Variants in PUDP observed in about 807,000 individuals in gnomAD.
The protein encoded by PUDP is pseudouridine 5'-phosphatase.
A neutral mutation model predicts 9.4 loss-of-function variants in PUDP; 8 were observed. The ratio of observed to expected loss-of-function variants is 0.85; its 90% CI spans 0.50 to 1.53. PUDP has a LOEUF of 1.53. PUDP is among the 40% of genes most tolerant of loss of function. The probability of loss-of-function intolerance (pLI) is 0.00; values close to 1 mark genes in which losing one functional copy is unlikely to be tolerated. For synonymous variants in PUDP, 99 were observed against 80.7 expected (o/e 1.23, Z -1.22); for missense variants, 188 against 189.7 (o/e 0.99, Z 0.05).
intron 3 of PUDP, among the ~76,000 whole-genome samples, chrX:6,839,295 A>T (rs1214903671): frequency 9.0e-6 from 1 of 111,538 alleles, no homozygotes; most frequent in Non-Finnish European, 1.9e-5. Context: ...GGGATCACAA[A>T]TCTGATCTGG....
chrX:6,970,509 C>T (rs191364215), intron 3 of PUDP, among the ~76,000 whole-genome samples: 11 of 111,241 alleles, frequency 9.9e-5, no homozygotes, highest in East Asian at 2.8e-4. Flanking sequence ...CCTGGCGGTA[C>T]GCAGAATAGA....
At chrX:6,831,369 A>AG (rs774476408) in intron 3 of PUDP, among the ~76,000 whole-genome samples, 2 of 112,209 alleles carry the variant, frequency 1.8e-5, no homozygotes, top group African/African-American at 6.5e-5. Context: ...CAGGTAAGAA[A>AG]GGGGTTTGTC....
At chrX:6,833,355 G>A (rs1055565338) in intron 3 of PUDP, among the ~76,000 whole-genome samples, 2 of 110,729 alleles carry the variant, frequency 1.8e-5, no homozygotes, top group African/African-American at 6.6e-5. Context: ...GAAGATCGGT[G>A]GGTAAATAGA....
chrX:7,142,119 C>A (rs1186736008), intron 1 of PUDP, among the ~76,000 whole-genome samples: 11 of 112,115 alleles, frequency 9.8e-5, no homozygotes, highest in African/African-American at 3.6e-4. Context: ...TGAGGAGTAA[C>A]TTCAACTTTC....
chrX:7,102,156 AG>A (rs1171589715), intron 2 of PUDP, among the ~76,000 whole-genome samples: 1 of 111,247 alleles, frequency 9.0e-6, no homozygotes, highest in Non-Finnish European at 1.9e-5. Flanking sequence ...AACAAAATAC[AG>A]ATCAATATCC....
chrX:6,882,510 C>T (rs754030163), intron 3 of PUDP, among the ~76,000 whole-genome samples: 4 of 111,187 alleles, frequency 3.6e-5, no homozygotes, highest in Admixed American at 2.9e-4. Context: ...CAACCATTTT[C>T]GGGGGGGCTA....
rs984351774 is a variant in PUDP, at chrX:7,049,312, C to T, written c.*984G>A. On this transcript the variant is annotated 3_prime_UTR_variant, in exon 4 of 4. Transcript: ENST00000381077. ...TAAAGACTGAGTAAATCTATAAAAG[C>T]GATTAATCACAGAAGTTCAATGTCT... The T allele has an allele frequency of 2.4e-4, 27 of 112,146 alleles. No homozygotes were observed. The highest frequency in any genetic ancestry group is 7.8e-4 in the African/African-American group (24 of 30,863). 9.2% of individuals were successfully genotyped at this position (112,146 alleles called of 1,213,427 possible). A position where few individuals can be genotyped will look rare whatever the true frequency, so the allele number is the denominator to read the frequency against.
intron 1 of PUDP, among the ~76,000 whole-genome samples, chrX:7,129,422 G>C: frequency 8.9e-6 from 1 of 111,825 alleles, no homozygotes; most frequent in Non-Finnish European, 1.9e-5. Flanking sequence ...TGTTGGACCC[G>C]TGTTCTGAAT....
chrX:6,813,124 AAAG>A (rs1324828604), intron 3 of PUDP, among the ~76,000 whole-genome samples: 5 of 109,704 alleles, frequency 4.6e-5, no homozygotes, highest in African/African-American at 1.0e-4. Context: ...AAGAGAGAGA[AAAG>A]AAGAAGAAGG....
chrX:6,964,602 A>G (rs1247254480), intron 3 of PUDP, among the ~76,000 whole-genome samples: 1 of 111,151 alleles, frequency 9.0e-6, no homozygotes, highest in Non-Finnish European at 1.9e-5. Flanking sequence ...TGAGCCCTAG[A>G]GGTTGAGGCT....
At chrX:6,750,732 G>A (rs1925059971) in intron 3 of PUDP, among the ~76,000 whole-genome samples, 1 of 111,765 alleles carries the variant, frequency 8.9e-6, no homozygotes, top group South Asian at 3.7e-4. Context: ...TTCCATCAGT[G>A]GCAGTTTGGT....
intron 3 of PUDP, among the ~76,000 whole-genome samples, chrX:6,727,546 G>A (rs1387055708): frequency 8.9e-6 from 1 of 112,155 alleles, no homozygotes; most frequent in African/African-American, 3.2e-5. Flanking sequence ...TACTGGGTGT[G>A]CACTCCTGTC....
intron 3 of PUDP, among the ~76,000 whole-genome samples, chrX:7,056,857 A>C (rs745342260): frequency 6.8e-4 from 76 of 112,351 alleles, no homozygotes; most frequent in African/African-American, 2.3e-3. Flanking sequence ...AGTCAGGCGG[A>C]AGACAGAACT....
intron 1 of PUDP, among the ~76,000 whole-genome samples, chrX:6,991,018 G>A (rs145794710): frequency 2.7e-5 from 3 of 112,002 alleles, no homozygotes; most frequent in Non-Finnish European, 3.8e-5. Context: ...TCATTCCCAC[G>A]GGAGCATGCT....
At chrX:6,857,283 G>T (rs192219045) in intron 3 of PUDP, among the ~76,000 whole-genome samples, 1,309 of 112,994 alleles carry the variant, frequency 0.012, 66 homozygotes, top group Admixed American at 0.11. Flanking sequence ...GCAAACTGGG[G>T]GAACCCCACG....
At chrX:7,107,704 T>C (rs1484865624) in intron 1 of PUDP, among the ~76,000 whole-genome samples, 2 of 112,324 alleles carry the variant, frequency 1.8e-5, no homozygotes, top group East Asian at 2.8e-4. Context: ...GGCATGTGAC[T>C]GTAATCCCAG....
rs1166913922 is a variant in PUDP at position 6,714,718 on chromosome X, A to C, written n.128+6699T>G. 5.4e-5 allele frequency among the ~76,000 whole-genome samples: 6 copies of C among 111,501 alleles called. No individual in the cohort carries two copies. In the Admixed American group the frequency reaches 5.7e-4, roughly 11 times the overall value. ...ATGGAGATGATAGATGATTGATGAT[A>C]GATAGATAGATATAGGTAGAGATAT... On this transcript the variant is annotated intron_variant and non_coding_transcript_variant, in intron 1 of 2. Coordinates refer to the PUDP transcript ENST00000438499.
intron 3 of PUDP, among the ~76,000 whole-genome samples, chrX:6,896,154 C>G (rs980857201): frequency 1.8e-5 from 2 of 111,874 alleles, no homozygotes; most frequent in African/African-American, 6.5e-5. Context: ...GAATCCTACT[C>G]CAGTTTATAT....
At chrX:6,850,587 AT>A (rs1403777381) in intron 3 of PUDP, among the ~76,000 whole-genome samples, 1 of 112,567 alleles carries the variant, frequency 8.9e-6, no homozygotes, top group African/African-American at 3.2e-5. Context: ...AGAAAAATAA[AT>A]GGGAATACTG....
Sources: gnomAD v4.1 joint callset for allele counts (sites outside exome capture counted in the v4.1 genomes callset) on GRCh38, gnomAD v4.1.1 for gene constraint, MANE v1.5 for transcripts, NCBI Gene and HGNC (gene_info 2026-07-23, HGNC 2026-07-21) for gene names.